Variants in NUBPL observed in about 807,000 individuals in gnomAD.
NUBPL encodes iron-sulfur cluster transfer protein NUBPL.
In NUBPL, 31 loss-of-function variants were observed where a neutral mutation model predicts 45.7. The observed-to-expected ratio is 0.68, with a 90% CI of 0.51 to 0.92. The LOEUF (loss-of-function observed/expected upper bound fraction) is 0.92, where lower values mean the gene tolerates loss of function less well. Ranked by LOEUF, NUBPL falls within the 40% of genes least tolerant of loss-of-function variation. The pLI is 0.00. For synonymous variants in NUBPL, 144 were observed against 140.9 expected (o/e 1.02, Z -0.15); for missense variants, 401 against 398.7 (o/e 1.01, Z -0.05).
chr14:31,842,285 A>T (rs1332262165), intron 8 of NUBPL, among the ~76,000 whole-genome samples: 4 of 151,916 alleles, frequency 2.6e-5, no homozygotes, highest in Non-Finnish European at 5.9e-5. Flanking sequence ...GCAAAGTGGT[A>T]TATGTGTGGG....
intron 6 of NUBPL, among the ~76,000 whole-genome samples, chr14:31,773,560 G>A (rs1437375546): frequency 6.6e-6 from 1 of 152,172 alleles, no homozygotes; most frequent in African/African-American, 2.4e-5. Flanking sequence ...CTGGAAGTTA[G>A]TTGAATAACG....
At chr14:31,756,707 A>C (rs77049923) in intron 6 of NUBPL, among the ~76,000 whole-genome samples, 1 of 149,320 alleles carries the variant, frequency 6.7e-6, no homozygotes, top group Admixed American at 6.7e-5. Flanking sequence ...TCTCCTGCCT[A>C]ATTGCCCTGG....
Position 31,771,972 on chromosome 14 carries a change from C to T in NUBPL, c.514-15808C>T, listed in dbSNP as rs937198645. 9.8e-6 allele frequency: 7 copies of T among 712,390 alleles called. No homozygotes were observed. In the East Asian group the frequency reaches 5.3e-4, roughly 54 times the overall value. The allele number at this position is 712,390 out of a possible 1,614,324, so 44.1% of individuals were successfully genotyped here. On this transcript the variant is annotated intron_variant, in intron 6 of 10. Transcript: ENST00000281081. ...AACGCAGTAATGTCCTTCAAGTGCTCTAATACCTTAACCACTGAACAGTGT... is the reference window on the plus strand; with the variant it reads ...AACGCAGTAATGTCCTTCAAGTGCTTTAATACCTTAACCACTGAACAGTGT...
At chr14:31,854,649 T>C (rs2040589414) in intron 10 of NUBPL, among the ~76,000 whole-genome samples, 1 of 152,170 alleles carries the variant, frequency 6.6e-6, no homozygotes, top group South Asian at 2.1e-4. Context: ...AGTTTACAGA[T>C]ATGGAAACTG....
chr14:31,759,956 T>C (rs1000211080), intron 6 of NUBPL, among the ~76,000 whole-genome samples: 1 of 151,400 alleles, frequency 6.6e-6, no homozygotes, highest in Non-Finnish European at 1.5e-5. Context: ...ATTGAATGCA[T>C]TTTGACTCAC....
intron 6 of NUBPL, 149 bp downstream of exon 6, chr14:31,673,723 G>A (rs372872090): frequency 4.1e-6 from 3 of 732,004 alleles, no homozygotes; most frequent in South Asian, 3.1e-5. Context: ...GAGTTAATGT[G>A]ATGCCAAGAC....
At position 31,714,136 on chromosome 14, in the gene NUBPL, A is replaced by G. The variant is rs186660077; in HGVS notation, c.513+40562A>G. 7.0e-4 allele frequency among the ~76,000 whole-genome samples: 106 copies of G among 152,332 alleles called. No individual in the cohort carries two copies. In the East Asian group the frequency reaches 0.015, roughly 22 times the overall value. ...AGTTCTAACCAATGAGACACAAGGA[A>G]CAGTCTGTGGAGATAGCCTCTATGT... On this transcript the variant is annotated intron_variant, in intron 6 of 10. Coordinates refer to ENST00000281081, the MANE Select transcript of NUBPL (RefSeq NM_025152.3).
At chr14:31,582,111 G>A (rs958826264) in intron 3 of NUBPL, among the ~76,000 whole-genome samples, 1 of 152,038 alleles carries the variant, frequency 6.6e-6, no homozygotes, top group African/African-American at 2.4e-5. Context: ...AAATAAATTA[G>A]TGTCAAGGTG....
chr14:31,623,951 A>G (rs1239129193), intron 4 of NUBPL, among the ~76,000 whole-genome samples: 2 of 152,320 alleles, frequency 1.3e-5, no homozygotes, highest in African/African-American at 4.8e-5. Flanking sequence ...TTCAGACACT[A>G]TGAGATGCTA....
At chr14:31,578,624 T>C (rs1408126131) in intron 3 of NUBPL, among the ~76,000 whole-genome samples, 4 of 152,228 alleles carry the variant, frequency 2.6e-5, no homozygotes, top group African/African-American at 9.6e-5. Context: ...ATGTTCTTGC[T>C]TTCTCCTTCA....
chr14:31,594,497 T>C (rs1462881468), intron 3 of NUBPL, among the ~76,000 whole-genome samples: 1 of 152,232 alleles, frequency 6.6e-6, no homozygotes, highest in Non-Finnish European at 1.5e-5. Flanking sequence ...TTTTATCATT[T>C]GGGATTCTTC....
At chr14:31,690,248 G>A (rs1184817342) in intron 6 of NUBPL, among the ~76,000 whole-genome samples, 2 of 152,156 alleles carry the variant, frequency 1.3e-5, no homozygotes, top group Admixed American at 6.5e-5. Flanking sequence ...TAACCTCTGA[G>A]CCTCAAAAGG....
intron 6 of NUBPL, among the ~76,000 whole-genome samples, chr14:31,760,684 G>C (rs531469435): frequency 6.6e-6 from 1 of 151,994 alleles, no homozygotes; most frequent in South Asian, 2.1e-4. Context: ...GTATTCCATT[G>C]TGTATATGTA....
At chr14:31,582,042 T>C (rs2033877328) in intron 3 of NUBPL, among the ~76,000 whole-genome samples, 1 of 152,200 alleles carries the variant, frequency 6.6e-6, no homozygotes, top group African/African-American at 2.4e-5. Flanking sequence ...TTCGTTTACT[T>C]TCATTGGCTT....
chr14:31,756,679 G>C (rs1243072689), intron 6 of NUBPL, among the ~76,000 whole-genome samples: 1 of 148,478 alleles, frequency 6.7e-6, no homozygotes, highest in African/African-American at 2.5e-5. Flanking sequence ...TTTCCTAATT[G>C]AATACCCTTT....
intron 4 of NUBPL, among the ~76,000 whole-genome samples, chr14:31,626,609 C>T (rs1044401164): frequency 2.0e-5 from 3 of 152,122 alleles, no homozygotes; most frequent in Non-Finnish European, 4.4e-5. Context: ...GTAAGATGGT[C>T]CTAGAGTTGG....
At chr14:31,706,345 A>G (rs1279241850) in intron 6 of NUBPL, among the ~76,000 whole-genome samples, 1 of 152,148 alleles carries the variant, frequency 6.6e-6, no homozygotes, top group African/African-American at 2.4e-5. Context: ...AGTTGAGCTC[A>G]TTTGGGGTTC....
chr14:31,778,701 A>T (rs1433823443), intron 6 of NUBPL, among the ~76,000 whole-genome samples: 3 of 152,238 alleles, frequency 2.0e-5, no homozygotes, highest in Non-Finnish European at 4.4e-5. Context: ...CATGCAAATC[A>T]TAATTAGTAC....
intron 4 of NUBPL, among the ~76,000 whole-genome samples, chr14:31,652,971 G>A (rs1369363524): frequency 6.6e-6 from 1 of 152,194 alleles, no homozygotes; most frequent in African/African-American, 2.4e-5. Flanking sequence ...TCACGTATCA[G>A]TAGGACTGTG....
Sources: allele counts gnomAD v4.1 joint callset (sites outside exome capture counted in the v4.1 genomes callset), GRCh38; gene constraint gnomAD v4.1.1; transcripts MANE v1.5; gene names NCBI Gene and HGNC (gene_info 2026-07-23, HGNC 2026-07-21).